NBAS: variants seen among roughly 807,000 people sequenced by gnomAD.
NBAS encodes NBAS subunit of NRZ tethering complex.
A neutral mutation model predicts 302.5 loss-of-function variants in NBAS; 219 were observed. The ratio of observed to expected loss-of-function variants is 0.72; its 90% CI spans 0.65 to 0.81. The LOEUF is 0.81. NBAS is among the 30% of genes least tolerant of loss of function. NBAS has a pLI of 0.00. For synonymous variants in NBAS, 1,118 were observed against 1,021.6 expected (o/e 1.09, Z -1.80); for missense variants, 2,932 against 2,841.6 (o/e 1.03, Z -0.72).
chr2:15,436,910 T>C (rs1052878895), intron 21 of NBAS, among the ~76,000 whole-genome samples: 5 of 152,188 alleles, frequency 3.3e-5, no homozygotes, highest in Non-Finnish European at 5.9e-5. Context: ...GATGGATAGA[T>C]AGACAGGAGG....
At chr2:15,492,391 G>A (rs1680895393) in intron 11 of NBAS, among the ~76,000 whole-genome samples, 1 of 152,156 alleles carries the variant, frequency 6.6e-6, no homozygotes, top group Non-Finnish European at 1.5e-5. Context: ...AGACACTTAG[G>A]TTATGTTGGA....
chr2:15,024,149 G>A, the NBAS span, among the ~76,000 whole-genome samples: 1 of 151,740 alleles, frequency 6.6e-6, no homozygotes, highest in Non-Finnish European at 1.5e-5. Context: ...GTAAGCCTCA[G>A]TGTCTGTTGT....
the NBAS span, among the ~76,000 whole-genome samples, chr2:14,857,067 T>G: frequency 6.6e-6 from 1 of 152,090 alleles, no homozygotes; most frequent in African/African-American, 2.4e-5. Flanking sequence ...ATGTACAACA[T>G]TCACAACAGC....
At chr2:15,232,346 A>T in intron 47 of NBAS, 76 bp downstream of exon 47, 1 of 1,393,124 alleles carries the variant, frequency 7.2e-7, no homozygotes. Flanking sequence ...AGCCTCATAC[A>T]TACGGATACT....
the NBAS span, among the ~76,000 whole-genome samples, chr2:15,030,699 G>A: frequency 6.6e-6 from 1 of 152,146 alleles, no homozygotes; most frequent in Non-Finnish European, 1.5e-5. Flanking sequence ...TACAGCTTTT[G>A]GCAGTTCATG....
the NBAS span, among the ~76,000 whole-genome samples, chr2:14,855,947 A>G: frequency 6.6e-6 from 1 of 152,208 alleles, no homozygotes; most frequent in African/African-American, 2.4e-5. Flanking sequence ...GGGAGTGGTT[A>G]CAGCAGGTCT....
chr2:15,223,098 C>T (rs1667019105), intron 47 of NBAS, among the ~76,000 whole-genome samples: 1 of 152,174 alleles, frequency 6.6e-6, no homozygotes, highest in African/African-American at 2.4e-5. Context: ...AAATGAAAGG[C>T]AGCTCTTTAG....
At chr2:14,807,749 C>T in the NBAS span, among the ~76,000 whole-genome samples, 3 of 152,104 alleles carry the variant, frequency 2.0e-5, no homozygotes, top group Non-Finnish European at 4.4e-5. Context: ...CACAGTTCTG[C>T]CATTCAATAC....
At chr2:15,226,015 C>A (rs1667137684) in intron 47 of NBAS, among the ~76,000 whole-genome samples, 1 of 152,202 alleles carries the variant, frequency 6.6e-6, no homozygotes, top group African/African-American at 2.4e-5. Flanking sequence ...CCCAGACCTA[C>A]TCTATCAAAA....
At chr2:15,114,777 GTTCA>G in the NBAS span, among the ~76,000 whole-genome samples, 1 of 152,084 alleles carries the variant, frequency 6.6e-6, no homozygotes, top group Non-Finnish European at 1.5e-5. Context: ...TCCTCTTCTA[GTTCA>G]TTATGCTGCA....
At chr2:14,829,212 C>T in the NBAS span, among the ~76,000 whole-genome samples, 3 of 152,066 alleles carry the variant, frequency 2.0e-5, no homozygotes, top group Admixed American at 6.5e-5. Context: ...GGAGATTACA[C>T]TGAACTCAGC....
the NBAS span, among the ~76,000 whole-genome samples, chr2:14,874,046 A>C: frequency 6.6e-6 from 1 of 152,188 alleles, no homozygotes; most frequent in Non-Finnish European, 1.5e-5. Flanking sequence ...AAAATTGATA[A>C]GCCTCTAGCC....
the NBAS span, among the ~76,000 whole-genome samples, chr2:15,087,362 T>C: frequency 2.0e-5 from 3 of 152,326 alleles, no homozygotes; most frequent in Admixed American, 6.5e-5. Context: ...GCAGTATCAG[T>C]CACATAGTAA....
In NBAS at chr2:15,308,251, G is replaced by A. The variant is rs773987260; in HGVS notation, c.4762C>T (p.Pro1588Ser). 5 of 1,614,048 alleles carry A rather than the reference G, an allele frequency of 3.1e-6. No homozygotes were observed. The highest frequency in any genetic ancestry group is 4.2e-6 in the Non-Finnish European group (5 of 1,180,026). Residue 1588 changes from proline (P) to serine (S), a missense_variant, in exon 40 of 52, where the codon CCA becomes TCA. Coordinates refer to ENST00000281513, the MANE Select transcript of NBAS (RefSeq NM_015909.4). The stretch of plus-strand genomic sequence containing the variant: ...GGATGGCACTTGTCCCTGAAACATG[G>A]GGCCAATCGGGCATAGATCTGGAGG... ...YSLQIYARLA[P>S]CFRDKCHPLY... is the part of the protein sequence containing the mutation.
At chr2:14,905,028 CAG>C in the NBAS span, among the ~76,000 whole-genome samples, 1 of 152,194 alleles carries the variant, frequency 6.6e-6, no homozygotes, top group Non-Finnish European at 1.5e-5. Flanking sequence ...GCCTGGGCGA[CAG>C]AGTGAGACTC....
At chr2:15,518,639 GAA>G (rs1476787727) in intron 9 of NBAS, among the ~76,000 whole-genome samples, 11 of 152,186 alleles carry the variant, frequency 7.2e-5, no homozygotes, top group African/African-American at 2.2e-4. Flanking sequence ...GAGAGAAAGA[GAA>G]AGAAAAAGAT....
chr2:14,939,752 C>A, the NBAS span, among the ~76,000 whole-genome samples: 1 of 152,204 alleles, frequency 6.6e-6, no homozygotes, highest in African/African-American at 2.4e-5. Flanking sequence ...AACTTTCTTG[C>A]AGACATTCCA....
the NBAS span, among the ~76,000 whole-genome samples, chr2:14,907,836 C>T: frequency 6.6e-6 from 1 of 152,206 alleles, no homozygotes; most frequent in East Asian, 1.9e-4. Flanking sequence ...TCAGCTCTGC[C>T]ATGAACTTGC....
the NBAS span, among the ~76,000 whole-genome samples, chr2:14,938,680 C>A: frequency 6.6e-6 from 1 of 152,136 alleles, no homozygotes; most frequent in Non-Finnish European, 1.5e-5. Context: ...GTTTACAAAG[C>A]AATTGTACCC....
Sources: gnomAD v4.1 joint callset for allele counts (sites outside exome capture counted in the v4.1 genomes callset) on GRCh38, gnomAD v4.1.1 for gene constraint, MANE v1.5 for transcripts, NCBI Gene and HGNC (gene_info 2026-07-23, HGNC 2026-07-21) for gene names.